ACP3: variants seen among roughly 807,000 people sequenced by gnomAD.
ACP3 encodes prostatic acid phosphatase.
A neutral mutation model predicts 45.6 loss-of-function variants in ACP3; 38 were observed. The observed-to-expected ratio is 0.83, with a 90% CI of 0.64 to 1.09. The LOEUF (loss-of-function observed/expected upper bound fraction) is 1.09. Among genes scored for constraint, ACP3 ranks in the 50% least tolerant of loss-of-function variants. ACP3 has a pLI of 0.00. For synonymous variants in ACP3, 162 were observed against 164.7 expected, an observed-to-expected ratio of 0.98 and a Z score of 0.13; for missense variants, 466 against 463.2, an observed-to-expected ratio of 1.01 and a Z score of -0.05.
At chr3:132,344,854 A>G (rs528037752) in intron 6 of ACP3, 73 bp from the exon 7 acceptor site, 16 of 1,546,746 alleles carry the variant, frequency 1.0e-5, no homozygotes, top group Admixed American at 5.5e-5. Flanking sequence ...TTGTGAGGTG[A>G]AAAAGGATAA....
downstream of ACP3, among the ~76,000 whole-genome samples, chr3:132,360,203 G>T (rs1938013855): frequency 6.6e-6 from 1 of 151,908 alleles, no homozygotes; most frequent in South Asian, 2.1e-4. Context: ...ATGGAAGATT[G>T]TAGGGGTTGA....
chr3:132,350,900 T>C (rs1024295704), intron 8 of ACP3, among the ~76,000 whole-genome samples: 2 of 152,118 alleles, frequency 1.3e-5, no homozygotes, highest in Non-Finnish European at 2.9e-5. Context: ...TAGAAAGCTT[T>C]TGTGATAGTC....
At chr3:132,326,074 C>A (rs1273176749) in intron 1 of ACP3, among the ~76,000 whole-genome samples, 1 of 152,118 alleles carries the variant, frequency 6.6e-6, no homozygotes, top group East Asian at 1.9e-4. Context: ...CAGTGGCTCT[C>A]AACTTGGGGT....
At chr3:132,363,522 C>T (rs1208697787), downstream of ACP3, among the ~76,000 whole-genome samples, 2 of 152,202 alleles carry the variant, frequency 1.3e-5, no homozygotes, top group Non-Finnish European at 2.9e-5. Context: ...CCTCTTCGTT[C>T]CCAGGGCCAC....
In ACP3 at chr3:132,345,733, C is replaced by G. The variant is rs138334215; in HGVS notation, c.781+674C>G. Among the ~76,000 whole-genome samples, 6 of 152,230 alleles carry G rather than the reference C, an allele frequency of 3.9e-5. No homozygotes were observed. In the East Asian group the frequency reaches 1.2e-3, roughly 29 times the overall value. On this transcript the variant is annotated intron_variant, in intron 7 of 9. Coordinates refer to ENST00000336375, the MANE Select transcript of ACP3 (RefSeq NM_001099.5). ...AACTGGCTCTTCGTAGCACAGGACA[C>G]CCTGTCATATGAAGGCAGACCCAGG... is the stretch of plus-strand genomic sequence containing the variant.
intron 8 of ACP3, among the ~76,000 whole-genome samples, chr3:132,351,750 A>G (rs1298349164): frequency 1.3e-5 from 2 of 151,882 alleles, no homozygotes; most frequent in East Asian, 3.9e-4. Flanking sequence ...ATTACTTCTA[A>G]CGCCTTTTGA....
chr3:132,330,134 G>T (rs764188299), intron 2 of ACP3, among the ~76,000 whole-genome samples: 1 of 151,894 alleles, frequency 6.6e-6, no homozygotes, highest in Non-Finnish European at 1.5e-5. Context: ...TGCCAAGGCT[G>T]GTCTCAAACT....
chr3:132,368,060 A>G (rs1576433737), exon 11 of ACP3: 1 of 433,906 alleles, frequency 2.3e-6, no homozygotes, highest in Non-Finnish European at 4.2e-6. Flanking sequence ...TCAGCTAGAA[A>G]GAGGCTGTTA....
chr3:132,364,240 C>CG (rs1484996027), intron 10 of ACP3, among the ~76,000 whole-genome samples: 1 of 152,076 alleles, frequency 6.6e-6, no homozygotes, highest in Non-Finnish European at 1.5e-5. Context: ...CAGCTTCCCC[C>CG]GGGAGGCTGA....
At chr3:132,339,342 A>G (rs753042698) in intron 5 of ACP3, among the ~76,000 whole-genome samples, 7 of 152,230 alleles carry the variant, frequency 4.6e-5, no homozygotes, top group Non-Finnish European at 1.0e-4. Flanking sequence ...TCTCTCTGCA[A>G]GAAAAGGCAG....
chr3:132,363,861 C>T (rs958544512), intron 10 of ACP3, among the ~76,000 whole-genome samples: 2 of 152,058 alleles, frequency 1.3e-5, no homozygotes, highest in South Asian at 2.1e-4. Flanking sequence ...TGCTTGAACC[C>T]GGGAGGCGGA....
chr3:132,335,339 T>G (rs1937471349), intron 4 of ACP3, among the ~76,000 whole-genome samples: 1 of 152,110 alleles, frequency 6.6e-6, no homozygotes, highest in South Asian at 2.1e-4. Flanking sequence ...ATTCTGGAAT[T>G]AAGAAATAAG....
At chr3:132,347,067 C>T (rs1363405360) in intron 7 of ACP3, among the ~76,000 whole-genome samples, 2 of 152,194 alleles carry the variant, frequency 1.3e-5, no homozygotes, top group Non-Finnish European at 2.9e-5. Flanking sequence ...TGGGAGAAGC[C>T]ACTTCCCCTC....
chr3:132,347,649 T>G (rs927876983), intron 7 of ACP3, among the ~76,000 whole-genome samples: 10 of 151,890 alleles, frequency 6.6e-5, no homozygotes, highest in African/African-American at 2.4e-4. Context: ...CCAGCTAAAT[T>G]TTTTTTAAAT....
At position 132,358,489 on chromosome 3, in the gene ACP3, T is replaced by A; in HGVS notation, c.*1611T>A. ...TTGCCATGTGGCAGATCTACATGTC[T>A]AGAGAACACTGTGCTCTATTACCAT... On this transcript the variant is annotated 3_prime_UTR_variant, in exon 10 of 10. Transcript: ENST00000336375. The A allele has an allele frequency of 7.9e-7, 1 of 1,270,888 alleles. No homozygotes were observed. Among genetic ancestry groups the A allele is most frequent in the Non-Finnish European group, 1.0e-6 (1 of 977,602 alleles). 78.7% of individuals were successfully genotyped at this position (1,270,888 alleles called of 1,614,324 possible). A position where few individuals can be genotyped will look rare whatever the true frequency, so the allele number is the denominator to read the frequency against.
chr3:132,329,798 G>A (rs920881639), intron 2 of ACP3, among the ~76,000 whole-genome samples: 8 of 152,054 alleles, frequency 5.3e-5, no homozygotes, highest in African/African-American at 1.9e-4. Flanking sequence ...GTCTGATGTG[G>A]GACCTGCGAT....
downstream of ACP3, among the ~76,000 whole-genome samples, chr3:132,359,287 CG>C (rs1559845238): frequency 1.3e-5 from 2 of 152,114 alleles, no homozygotes; most frequent in East Asian, 3.9e-4. Flanking sequence ...CCAAGGTGGG[CG>C]GATCACAAGG....
intron 2 of ACP3, among the ~76,000 whole-genome samples, chr3:132,331,296 C>G (rs1937394147): frequency 6.6e-6 from 1 of 152,220 alleles, no homozygotes; most frequent in African/African-American, 2.4e-5. Flanking sequence ...AAATCCCCAC[C>G]AAGTGGGTCT....
chr3:132,334,317 A>T (rs1033797735), intron 4 of ACP3, among the ~76,000 whole-genome samples: 4 of 152,214 alleles, frequency 2.6e-5, no homozygotes, highest in African/African-American at 9.7e-5. Context: ...GGTCAAAAAA[A>T]TTCTCTCATA....
Sources: allele counts gnomAD v4.1 joint callset (sites outside exome capture counted in the v4.1 genomes callset), GRCh38; gene constraint gnomAD v4.1.1; transcripts MANE v1.5; gene names NCBI Gene and HGNC (gene_info 2026-07-23, HGNC 2026-07-21).